Variants in KANK2 observed in about 807,000 individuals in gnomAD.
The protein encoded by KANK2 is KN motif and ankyrin repeat domain-containing protein 2.
Under a neutral mutation model 74.6 loss-of-function variants are expected in KANK2, and 41 were observed. The ratio of observed to expected loss-of-function variants is 0.55; its 90% CI spans 0.43 to 0.71. KANK2 has a LOEUF of 0.71. Ranked by LOEUF, KANK2 falls within the 30% of genes least tolerant of loss-of-function variation. The probability of loss-of-function intolerance (pLI) is 0.00; values close to 1 mark genes in which losing one functional copy is unlikely to be tolerated. For missense variants in KANK2, 1,148 were observed against 1,196.4 expected, an observed-to-expected ratio of 0.96 and a Z score of 0.60; for synonymous variants, 537 against 519.0, an observed-to-expected ratio of 1.03 and a Z score of -0.47.
At chr19:11,172,931 CAT>C in intron 10 of KANK2, 48 bp downstream of exon 10, 2 of 1,591,430 alleles carry the variant, frequency 1.3e-6, no homozygotes, top group Non-Finnish European at 1.7e-6. Flanking sequence ...GCTGGGATGT[CAT>C]AAAGTAGGAA....
chr19:11,192,580 C>T (rs773708063), intron 4 of KANK2: 20 of 429,090 alleles, frequency 4.7e-5, no homozygotes, highest in East Asian at 2.7e-4. Flanking sequence ...GGTTTACAGG[C>T]GCACGCCACC....
chr19:11,170,743 A>T lies in KANK2; in HGVS notation c.2212-495T>A, dbSNP rs915546315. Among the ~76,000 whole-genome samples the T allele has an allele frequency of 6.6e-6, 1 of 152,178 alleles. No individual in the cohort carries two copies. Among genetic ancestry groups the T allele is most frequent in the Non-Finnish European group, 1.5e-5 (1 of 68,030 alleles). ...GTAGCTGAGACTACAGGCATGCGCC[A>T]CAATGCCTGGCTAATTTTTGTATCT... On this transcript the variant is annotated intron_variant, in intron 10 of 12. Transcript: ENST00000586659. The surrounding 1 kb of genome is among the most constrained non-coding windows in gnomAD (Gnocchi z 5.2).
chr19:11,169,593 G>A (rs1379358041), intron 12 of KANK2: 3 of 549,652 alleles, frequency 5.5e-6, no homozygotes, highest in South Asian at 2.4e-5. Flanking sequence ...ACGAGGTCAG[G>A]AGTTTGAGAC....
chr19:11,169,344 CAA>C (rs2078108009), intron 12 of KANK2, among the ~76,000 whole-genome samples: 1 of 151,236 alleles, frequency 6.6e-6, no homozygotes, highest in Non-Finnish European at 1.5e-5. Context: ...TCTCAAAAAA[CAA>C]AACAAAAAAA....
At chr19:11,174,039 G>T (rs2078257786) in intron 9 of KANK2, among the ~76,000 whole-genome samples, 1 of 151,828 alleles carries the variant, frequency 6.6e-6, no homozygotes, top group Non-Finnish European at 1.5e-5. Context: ...TATCAAACTG[G>T]GAAAGTCACA....
Position 11,193,858 on chromosome 19 carries a change from G to A in KANK2, c.222C>T (p.Pro74=). 1 of 1,612,898 alleles carries A rather than the reference G, an allele frequency of 6.2e-7. No homozygotes were observed. Among genetic ancestry groups the A allele is most frequent in the East Asian group, 2.2e-5 (1 of 44,860 alleles). The change falls in exon 4 of 13, where the codon CCC becomes CCT. Residue 74 remains proline (P), a synonymous_variant. Transcript: ENST00000586659. The surrounding 1 kb of genome is among the most constrained non-coding windows in gnomAD (Gnocchi z 9.6). ...ACGTCCACCAGGAGCCAGGGCCACG[G>A]GGCAGCGAGCTCAGGCGGGGGCGGC... ...VQRRPRLSSL[P]RGPGSWWTST...
In KANK2 at chr19:11,182,447, GC is replaced by G. The variant is rs1348020401; in HGVS notation, c.1250-3728del. 4.0e-5 allele frequency among the ~76,000 whole-genome samples: 6 copies of G among 151,684 alleles called. 1 individual carries two copies. The highest frequency in any genetic ancestry group is 5.9e-5 in the Non-Finnish European group (4 of 67,978). On this transcript the variant is annotated intron_variant, in intron 4 of 12. Transcript: ENST00000586659. Reference sequence around the variant, plus strand: ...TGGCTGAGATGAAAAGATTGCTTGAGCCCGGGAGTTTGAAGTTACATTGAGC... The same window carrying G: ...TGGCTGAGATGAAAAGATTGCTTGAGCCGGGAGTTTGAAGTTACATTGAGC...
intron 8 of KANK2, among the ~76,000 whole-genome samples, chr19:11,175,418 A>G (rs2078306393): frequency 1.8e-5 from 2 of 110,254 alleles, no homozygotes; most frequent in Non-Finnish European, 3.4e-5. Context: ...ACAGAGCAAG[A>G]CTCCCTCTCA....
chr19:11,178,083 C>T (rs78721980), intron 6 of KANK2, among the ~76,000 whole-genome samples: 202 of 152,288 alleles, frequency 1.3e-3, no homozygotes, highest in African/African-American at 4.6e-3. Flanking sequence ...CCGGCACCTT[C>T]TGTGGGGTAG....
chr19:11,177,823 T>C (rs1238955345), intron 6 of KANK2, among the ~76,000 whole-genome samples: 6 of 152,142 alleles, frequency 3.9e-5, no homozygotes, highest in African/African-American at 1.4e-4. Flanking sequence ...GTCACTCTGC[T>C]TTCCCACCTC....
chr19:11,178,472 CTG>C lies in KANK2; in HGVS notation c.1418-27_1418-26del, dbSNP rs567586114. 6.2e-5 allele frequency: 99 copies of C among 1,601,318 alleles called. No homozygotes were observed. In the East Asian group the frequency reaches 2.1e-3, roughly 34 times the overall value. The stretch of plus-strand genomic sequence containing the variant: ...CCTGGAGGGGAGGACAGCGGAGGTG[CTG>C]TGAGAGTCCTTCAGGGCCAGACTCC... On this transcript the variant is annotated intron_variant, in intron 5 of 12. Transcript: ENST00000586659.
At chr19:11,189,745 C>T (rs977209445) in intron 4 of KANK2, among the ~76,000 whole-genome samples, 1 of 151,906 alleles carries the variant, frequency 6.6e-6, no homozygotes, top group Non-Finnish European at 1.5e-5. Flanking sequence ...AACTTTCAGG[C>T]AGCAGCTTGA....
chr19:11,170,308 G>A lies in KANK2; in HGVS notation c.2212-60C>T, dbSNP rs1235392225. 1.4e-6 allele frequency: 2 copies of A among 1,424,376 alleles called. No individual in the cohort carries two copies. The highest frequency in any genetic ancestry group is 4.6e-5 in the East Asian group (2 of 43,490). 88.2% of individuals were successfully genotyped at this position (1,424,376 alleles called of 1,614,324 possible). A position where few individuals can be genotyped will look rare whatever the true frequency, so the allele number is the denominator to read the frequency against. On this transcript the variant is annotated intron_variant, in intron 10 of 12. Transcript: ENST00000586659. The surrounding 1 kb of genome is among the most constrained non-coding windows in gnomAD (Gnocchi z 5.2). ...CAGGCCCCAGGGCAGGACACCCCCTGGTCTAGAACCTGCTGTAGCTCCCAC... is the reference window on the plus strand; with the variant it reads ...CAGGCCCCAGGGCAGGACACCCCCTAGTCTAGAACCTGCTGTAGCTCCCAC...
At position 11,193,549 on chromosome 19, in the gene KANK2, C is replaced by A. The variant is rs745945226; in HGVS notation, c.531G>T (p.Pro177=). 6.2e-7 allele frequency: 1 copy of A among 1,604,038 alleles called. No homozygotes were observed. The highest frequency in any genetic ancestry group is 8.5e-7 in the Non-Finnish European group (1 of 1,178,482). The part of the protein sequence containing the change: ...PTPRSSGLST[P]VPPSAGHLAH... ...CCAGGTGCCCGGCACTGGGAGGCAC[C>A]GGTGTGGACAGTCCTGAACTCCGTG... The change falls in exon 4 of 13, where the codon CCG becomes CCT. Residue 177 remains proline (P), a synonymous_variant. Coordinates refer to ENST00000586659, the MANE Select transcript of KANK2 (RefSeq NM_001136191.3). The surrounding 1 kb of genome is among the most constrained non-coding windows in gnomAD (Gnocchi z 9.6).
chr19:11,166,462 G>A lies in KANK2; in HGVS notation c.*96C>T. Reference sequence around the variant, plus strand: ...CTTTGAGCCGTGGGCCTTGGGGAGTGTGAGTGGGGTGGGCCAGGGAGGAAC... The same window carrying A: ...CTTTGAGCCGTGGGCCTTGGGGAGTATGAGTGGGGTGGGCCAGGGAGGAAC... On this transcript the variant is annotated 3_prime_UTR_variant, in exon 13 of 13. Transcript: ENST00000586659. 1 of 1,158,704 alleles carries A rather than the reference G, an allele frequency of 8.6e-7. No individual in the cohort carries two copies. Among genetic ancestry groups the A allele is most frequent in the Non-Finnish European group, 1.3e-6 (1 of 772,540 alleles). The allele number at this position is 1,158,704 out of a possible 1,614,324, so 71.8% of individuals were successfully genotyped here. A position where few individuals can be genotyped will look rare whatever the true frequency, so the allele number is the denominator to read the frequency against.
Position 11,175,909 on chromosome 19 carries a change from C to T in KANK2, c.1841G>A (p.Arg614Gln), listed in dbSNP as rs539210826. ...YLDNPNALTE[R>Q]ELKVAYTTVL... The stretch of plus-strand genomic sequence containing the variant: ...CCCAGGGCCAGATCGTACCAGCTCC[C>T]GCTCTGTGAGGGCGTTGGGATTGTC... Residue 614 changes from arginine to glutamine, a missense_variant, in exon 8 of 13, where the codon CGG (arginine) becomes CAG (glutamine). Arg to Gln is a conservative substitution (Grantham distance 43). Coordinates refer to ENST00000586659, the MANE Select transcript of KANK2 (RefSeq NM_001136191.3). 48 of 1,613,234 alleles carry T rather than the reference C, an allele frequency of 3.0e-5. No homozygotes were observed. The highest frequency in any genetic ancestry group is 4.4e-5 in the South Asian group (4 of 90,894).
At chr19:11,186,083 G>T (rs887321565) in intron 4 of KANK2, among the ~76,000 whole-genome samples, 8 of 151,922 alleles carry the variant, frequency 5.3e-5, no homozygotes, top group Non-Finnish European at 1.0e-4. Flanking sequence ...CTGTCAGATG[G>T]ATAAAAAAAA....
At chr19:11,195,075 A>C (rs1247445036) in intron 2 of KANK2, 2 of 154,784 alleles carry the variant, frequency 1.3e-5, no homozygotes, top group Non-Finnish European at 2.9e-5. Flanking sequence ...GGGGACCCCC[A>C]GTGACCCCAA....
chr19:11,170,657 G>A lies in KANK2; in HGVS notation c.2212-409C>T, dbSNP rs2078148636. ...CAGGTTGGCGTGCAGTGGCACGATC[G>A]CAGCTCACTGCAGCCTCAACCTCCC... On this transcript the variant is annotated intron_variant, in intron 10 of 12. Transcript: ENST00000586659. The surrounding 1 kb of genome is among the most constrained non-coding windows in gnomAD (Gnocchi z 5.2). Among the ~76,000 whole-genome samples, 2 of 152,060 alleles carry A rather than the reference G, an allele frequency of 1.3e-5. No individual in the cohort carries two copies. Among genetic ancestry groups the A allele is most frequent in the African/African-American group, 2.4e-5 (1 of 41,400 alleles).
Sources: allele counts gnomAD v4.1 joint callset (sites outside exome capture counted in the v4.1 genomes callset), GRCh38; gene constraint gnomAD v4.1.1; non-coding constraint Gnocchi (gnomAD v3.1); transcripts MANE v1.5; gene names NCBI Gene and HGNC (gene_info 2026-07-23, HGNC 2026-07-21).